The following DMXL2 variants were observed in gnomAD, a reference collection of about 807,000 sequenced individuals.
DMXL2 encodes dmX-like protein 2.
DMXL2 carries 103 observed loss-of-function variants against 331.1 expected under a neutral mutation model. The ratio of observed to expected loss-of-function variants is 0.31; its 90% CI spans 0.27 to 0.37. DMXL2 has a LOEUF of 0.37. Ranked by LOEUF, DMXL2 falls within the 10% of genes least tolerant of loss-of-function variation. The probability of loss-of-function intolerance (pLI) is 1.00; values close to 1 mark genes in which losing one functional copy is unlikely to be tolerated. For synonymous variants in DMXL2, 1,281 were observed against 1,252.1 expected, an observed-to-expected ratio of 1.02 and a Z score of -0.49; for missense variants, 3,171 against 3,642.9, an observed-to-expected ratio of 0.87 and a Z score of 3.33.
intron 27 of DMXL2, 28 bp downstream of exon 27, chr15:51,476,558 ATTT>A: frequency 8.3e-7 from 1 of 1,201,626 alleles, no homozygotes; most frequent in Non-Finnish European, 1.1e-6. Flanking sequence ...CAACTAGAAG[ATTT>A]TTTTTTTTTA....
Position 51,499,731 on chromosome 15 carries a change from T to A in DMXL2, c.3493A>T (p.Ile1165Phe). 6.2e-7 allele frequency: 1 copy of A among 1,614,124 alleles called. No homozygotes were observed. Among genetic ancestry groups the A allele is most frequent in the Non-Finnish European group, 8.5e-7 (1 of 1,180,004 alleles). Residue 1165 changes from isoleucine (I) to phenylalanine (F), a missense_variant, in exon 18 of 44, where the codon ATC becomes TTC. Transcript: ENST00000560891. ...LSKDRYLIPN[I>F]KHLVHLDWVS... ...CAGTCCAAATGTACTAAATGTTTGA[T>A]ATTCGGAATAAGATATCTATCCTTG...
intron 17 of DMXL2, among the ~76,000 whole-genome samples, chr15:51,501,988 T>C (rs982249890): frequency 1.3e-5 from 2 of 150,748 alleles, no homozygotes; most frequent in African/African-American, 4.9e-5. Context: ...CCCAGCACTT[T>C]GGGAGGCTGA....
intron 13 of DMXL2, among the ~76,000 whole-genome samples, chr15:51,522,100 A>G (rs2047412573): frequency 1.3e-5 from 2 of 152,208 alleles, no homozygotes; most frequent in Non-Finnish European, 2.9e-5. Context: ...GATATTCAAA[A>G]GCTTATTTTT....
chr15:51,464,808 G>C lies in DMXL2; in HGVS notation c.7675C>G (p.Gln2559Glu), dbSNP rs898832534. The part of the protein sequence containing the change: ...KNLENWEQIL[Q>E]EKMDQFEGPP... ...CCTTCAAACTGATCCATTTTCTCTTGCAAGATCTGTTCCCAGTTCTCCAAG... is the reference window on the plus strand; with the variant it reads ...CCTTCAAACTGATCCATTTTCTCTTCCAAGATCTGTTCCCAGTTCTCCAAG... The change falls in exon 32 of 44, where the codon CAA becomes GAA. Residue 2559 changes from glutamine to glutamate, a missense_variant. Gln to Glu is a conservative substitution (Grantham distance 29). This residue lies in a region of DMXL2 where 766 missense variants were observed against 940.5 expected (regional missense o/e 0.81). Coordinates refer to ENST00000560891, the MANE Select transcript of DMXL2 (RefSeq NM_001378457.1). 12 of 1,613,932 alleles carry C rather than the reference G, an allele frequency of 7.4e-6. No individual in the cohort carries two copies. The African/African-American group carries it at 1.6e-4, about 22-fold the overall frequency.
intron 13 of DMXL2, 29 bp from the exon 14 acceptor site, chr15:51,517,196 GGC>G (rs780830034): frequency 6.6e-7 from 1 of 1,521,728 alleles, no homozygotes; most frequent in Admixed American, 1.7e-5. Context: ...AAATGTTAAT[GGC>G]CAACAAATTA....
intron 1 of DMXL2, among the ~76,000 whole-genome samples, chr15:51,585,340 G>T (rs1486329902): frequency 6.7e-6 from 1 of 149,058 alleles, no homozygotes; most frequent in Non-Finnish European, 1.5e-5. Context: ...TAGCATGAAG[G>T]GTTGTTGAAT....
intron 1 of DMXL2, among the ~76,000 whole-genome samples, chr15:51,576,557 C>G (rs1230777896): frequency 6.6e-6 from 1 of 151,984 alleles, no homozygotes; most frequent in African/African-American, 2.4e-5. Flanking sequence ...AAGACTGTAA[C>G]TGTGTTCCCA....
At chr15:51,452,633 C>G (rs1316947887) in intron 41 of DMXL2, among the ~76,000 whole-genome samples, 3 of 152,170 alleles carry the variant, frequency 2.0e-5, no homozygotes, top group African/African-American at 7.2e-5. Flanking sequence ...GGACACCTCA[C>G]TGCTGGTGGG....
intron 18 of DMXL2, among the ~76,000 whole-genome samples, chr15:51,495,884 C>A (rs1596006584): frequency 6.6e-6 from 1 of 152,140 alleles, no homozygotes; most frequent in East Asian, 1.9e-4. Flanking sequence ...AAAGATCAAG[C>A]CCCAGCTCTG....
chr15:51,526,338 C>A, intron 13 of DMXL2, among the ~76,000 whole-genome samples: 1 of 152,200 alleles, frequency 6.6e-6, no homozygotes, highest in East Asian at 1.9e-4. Context: ...AGAACCACAG[C>A]ATTAATGGGC....
Position 51,502,989 on chromosome 15 carries a change from G to A in DMXL2, c.2809C>T (p.Pro937Ser), listed in dbSNP as rs773486811. ...GASSESLLSV[P>S]GQKNVDSSPE... ...GAAGAATCTACGTTCTTCTGTCCAGGGACTGAAAGTAGACTCTCAGAGGAA... is the reference window on the plus strand; with the variant it reads ...GAAGAATCTACGTTCTTCTGTCCAGAGACTGAAAGTAGACTCTCAGAGGAA... Residue 937 changes from proline to serine, a missense_variant, in exon 17 of 44, where the codon CCT becomes TCT. Physicochemically the swap from Pro to Ser is moderately conservative, Grantham distance 74 (BLOSUM62 -1). Around this residue, in one of 7 missense-constraint regions of DMXL2, gnomAD observed 1,674 missense variants for 1,780.2 expected, o/e 0.94. Transcript: ENST00000560891. The A allele has an allele frequency of 6.2e-7, 1 of 1,613,822 alleles. No individual in the cohort carries two copies. Among genetic ancestry groups the A allele is most frequent in the Non-Finnish European group, 8.5e-7 (1 of 1,179,806 alleles).
chr15:51,493,947 G>T (rs2042981226), intron 19 of DMXL2, among the ~76,000 whole-genome samples: 1 of 151,722 alleles, frequency 6.6e-6, no homozygotes. Flanking sequence ...ATTTTTGTTG[G>T]TACGTAGTAC....
chr15:51,464,146 T>G (rs1017804696), intron 32 of DMXL2, among the ~76,000 whole-genome samples: 1 of 152,244 alleles, frequency 6.6e-6, no homozygotes, highest in African/African-American at 2.4e-5. Flanking sequence ...CACATGCCTG[T>G]AATCCCAGCA....
chr15:51,536,810 G>A lies in DMXL2; in HGVS notation c.1670C>T (p.Ser557Phe), dbSNP rs996100473. 1 of 1,613,328 alleles carries A rather than the reference G, an allele frequency of 6.2e-7. No homozygotes were observed. Residue 557 changes from serine (S) to phenylalanine (F), a missense_variant, in exon 12 of 44, where the codon TCT (serine) becomes TTT (phenylalanine). By Grantham distance (155) the Ser-to-Phe change is radical (BLOSUM62 -2). This residue lies in a region of DMXL2 where 1,674 missense variants were observed against 1,780.2 expected (regional missense o/e 0.94). Transcript: ENST00000560891. ...PVAFPSGDAS[S>F]LSKNIMMYAC... ...ATACATCATGATATTTTTACTAAGA[G>A]AGCTTGCATCACCAGAGGGAAATGC...
intron 1 of DMXL2, among the ~76,000 whole-genome samples, chr15:51,592,902 C>A (rs2052497967): frequency 1.3e-5 from 2 of 152,312 alleles, no homozygotes; most frequent in South Asian, 4.1e-4. Flanking sequence ...CCTAAAAGAG[C>A]TCCTGAAGGA....
chr15:51,548,252 C>T (rs1224830692), intron 6 of DMXL2, among the ~76,000 whole-genome samples: 2 of 152,110 alleles, frequency 1.3e-5, no homozygotes, highest in African/African-American at 4.8e-5. Context: ...AAAAATATAA[C>T]CTCTGAGGAA....
At position 51,536,805 on chromosome 15, in the gene DMXL2, T is replaced by C. The variant is rs1453385519; in HGVS notation, c.1675A>G (p.Ser559Gly). 6.2e-7 allele frequency: 1 copy of C among 1,613,444 alleles called. No individual in the cohort carries two copies. The highest frequency in any genetic ancestry group is 1.3e-5 in the African/African-American group (1 of 74,870). Residue 559 changes from serine to glycine, a missense_variant, in exon 12 of 44, where the codon AGT (serine) becomes GGT (glycine). Physicochemically the swap from Ser to Gly is moderately conservative, Grantham distance 56 (BLOSUM62 0). Around this residue, in one of 7 missense-constraint regions of DMXL2, gnomAD observed 1,674 missense variants for 1,780.2 expected, o/e 0.94. Coordinates refer to ENST00000560891, the MANE Select transcript of DMXL2 (RefSeq NM_001378457.1). The part of the protein sequence containing the change: ...AFPSGDASSL[S>G]KNIMMYACIN... ...CAGGCATACATCATGATATTTTTACTAAGAGAGCTTGCATCACCAGAGGGA... is the reference window on the plus strand; with the variant it reads ...CAGGCATACATCATGATATTTTTACCAAGAGAGCTTGCATCACCAGAGGGA...
At chr15:51,473,469 G>C (rs1418210549) in intron 28 of DMXL2, among the ~76,000 whole-genome samples, 1 of 152,156 alleles carries the variant, frequency 6.6e-6, no homozygotes, top group Non-Finnish European at 1.5e-5. Flanking sequence ...GCAAGAAAGA[G>C]ATTCAGATAT....
Position 51,545,637 on chromosome 15 carries a change from G to A in DMXL2, c.876C>T (p.Ala292=). The A allele has an allele frequency of 6.2e-7, 1 of 1,613,556 alleles. No individual in the cohort carries two copies. Among genetic ancestry groups the A allele is most frequent in the Non-Finnish European group, 8.5e-7 (1 of 1,179,688 alleles). ...GTCTTCCAGCATGAGAAAGGCTGCTGGCAATGCTGGAAGTGGTAGTCTCAC... is the reference window on the plus strand; with the variant it reads ...GTCTTCCAGCATGAGAAAGGCTGCTAGCAATGCTGGAAGTGGTAGTCTCAC... ...QICETTTSSI[A]SSLSHAGRHK... The change falls in exon 8 of 44, where the codon GCC becomes GCT. Residue 292 remains alanine (A), a synonymous_variant. Transcript: ENST00000560891.
Sources: allele counts gnomAD v4.1 joint callset (sites outside exome capture counted in the v4.1 genomes callset), GRCh38; gene constraint gnomAD v4.1.1; regional missense constraint gnomAD v4.1.1; transcripts MANE v1.5; gene names NCBI Gene and HGNC (gene_info 2026-07-23, HGNC 2026-07-21).